Variants in ADAM7 observed in about 807,000 individuals in gnomAD.
ADAM7 encodes disintegrin and metalloproteinase domain-containing protein 7.
In ADAM7, 97 loss-of-function variants were observed where a neutral mutation model predicts 102.9. The observed-to-expected ratio is 0.94, with a 90% CI of 0.80 to 1.12. ADAM7 has a LOEUF of 1.12. ADAM7 is among the 50% of genes most tolerant of loss of function. The pLI, the probability that ADAM7 is intolerant of heterozygous loss-of-function variation, is 0.00. For missense variants in ADAM7, 991 were observed against 908.7 expected (o/e 1.09, Z -1.16); for synonymous variants, 334 against 304.4 (o/e 1.10, Z -1.01).
intron 1 of ADAM7, 109 bp from the exon 2 acceptor site, chr8:24,442,364 T>C: frequency 2.6e-6 from 2 of 783,810 alleles, no homozygotes; most frequent in Non-Finnish European, 2.3e-6. Flanking sequence ...TTGCTGTCCA[T>C]GGCTGCTAAC....
chr8:24,449,687 C>T (rs981588658), intron 3 of ADAM7, among the ~76,000 whole-genome samples: 42 of 152,062 alleles, frequency 2.8e-4, no homozygotes, highest in Non-Finnish European at 4.6e-4. Context: ...GCTTTTGTTG[C>T]CATTGCTTTT....
At chr8:24,490,747 A>G in intron 12 of ADAM7, 52 bp from the exon 13 acceptor site, 1 of 1,539,334 alleles carries the variant, frequency 6.5e-7, no homozygotes, top group Non-Finnish European at 8.9e-7. Flanking sequence ...TTCTTCAAAC[A>G]GGAGTCAGAG....
Position 24,508,913 on chromosome 8 carries a change from G to C in ADAM7, c.*367G>C. The C allele has an allele frequency of 1.9e-6, 2 of 1,075,394 alleles. No individual in the cohort carries two copies. Among genetic ancestry groups the C allele is most frequent in the Non-Finnish European group, 2.2e-6 (2 of 889,526 alleles). The allele number at this position is 1,075,394 out of a possible 1,614,324, so 66.6% of individuals were successfully genotyped here. ...ACTTACAGTCTAAGAAGAAAACATT[G>C]CATATAAAAAGTTACTTTTTTGGAA... On this transcript the variant is annotated 3_prime_UTR_variant, in exon 22 of 22. Transcript: ENST00000175238.
chr8:24,500,377 A>C (rs1820716749), intron 18 of ADAM7, 121 bp downstream of exon 18: 2 of 877,488 alleles, frequency 2.3e-6, no homozygotes, highest in Admixed American at 5.2e-5. Flanking sequence ...TATGGTCTTC[A>C]TATTATTGTG....
intron 20 of ADAM7, among the ~76,000 whole-genome samples, chr8:24,503,100 G>T (rs9657286): frequency 0.28 from 43,066 of 151,960 alleles, 6,689 homozygotes; most frequent in South Asian, 0.39. Flanking sequence ...AAGCAATGAG[G>T]CTAACTTACT....
intron 16 of ADAM7, among the ~76,000 whole-genome samples, chr8:24,494,058 C>T (rs1490509612): frequency 6.6e-6 from 1 of 152,120 alleles, no homozygotes; most frequent in African/African-American, 2.4e-5. Flanking sequence ...TATTTTACCC[C>T]TAAAATCAGC....
intron 11 of ADAM7, 57 bp from the exon 12 acceptor site, chr8:24,489,102 C>G (rs557692287): frequency 4.1e-5 from 60 of 1,475,864 alleles, no homozygotes; most frequent in African/African-American, 3.5e-4. Flanking sequence ...CTCACAGCCA[C>G]TGTACCACTA....
chr8:24,465,334 G>C (rs1819390346), intron 4 of ADAM7, among the ~76,000 whole-genome samples: 1 of 152,162 alleles, frequency 6.6e-6, no homozygotes, highest in African/African-American at 2.4e-5. Flanking sequence ...CAACTTGATT[G>C]AAACAGAGAG....
At chr8:24,465,809 G>C in intron 5 of ADAM7, 34 bp downstream of exon 5, 4 of 1,487,830 alleles carry the variant, frequency 2.7e-6, no homozygotes, top group Non-Finnish European at 9.1e-7. Context: ...TCCTTTATGA[G>C]TTTTCCTATG....
chr8:24,506,237 G>C (rs959888187), intron 20 of ADAM7: 1 of 1,200,672 alleles, frequency 8.3e-7, no homozygotes, highest in Non-Finnish European at 1.2e-6. Flanking sequence ...TCATTTGTTG[G>C]TTCCTTGAAA....
At chr8:24,496,195 A>T (rs1368421886) in intron 16 of ADAM7, among the ~76,000 whole-genome samples, 1 of 152,214 alleles carries the variant, frequency 6.6e-6, no homozygotes, top group Non-Finnish European at 1.5e-5. Flanking sequence ...GGCAGCCTTC[A>T]TGTGGTGCTG....
intron 3 of ADAM7, among the ~76,000 whole-genome samples, chr8:24,451,250 G>A (rs1818777081): frequency 6.6e-6 from 1 of 151,908 alleles, no homozygotes; most frequent in African/African-American, 2.4e-5. Flanking sequence ...TGTACCTCTG[G>A]TAGAATTCGG....
At chr8:24,488,402 G>A (rs550348483) in intron 11 of ADAM7, among the ~76,000 whole-genome samples, 5 of 152,258 alleles carry the variant, frequency 3.3e-5, no homozygotes, top group South Asian at 2.1e-4. Flanking sequence ...GAAAAGTTTC[G>A]TGGTGATCAA....
At chr8:24,490,725 A>G in intron 12 of ADAM7, 74 bp from the exon 13 acceptor site, 1 of 1,426,480 alleles carries the variant, frequency 7.0e-7, no homozygotes, top group Non-Finnish European at 9.8e-7. Flanking sequence ...CCACAGAAGC[A>G]CAACTAATTA....
intron 5 of ADAM7, among the ~76,000 whole-genome samples, chr8:24,466,125 C>T (rs571596915): frequency 3.9e-5 from 6 of 151,968 alleles, no homozygotes; most frequent in African/African-American, 1.5e-4. Context: ...TAAAATTGAG[C>T]CTGAAACCCA....
intron 12 of ADAM7, chr8:24,490,270 G>A (rs1019553854): frequency 6.5e-6 from 1 of 152,714 alleles, no homozygotes; most frequent in Non-Finnish European, 1.5e-5. Context: ...CTTTGGAATG[G>A]TTCCATAGAT....
At chr8:24,469,525 G>A (rs1032111388) in intron 7 of ADAM7, among the ~76,000 whole-genome samples, 2 of 152,044 alleles carry the variant, frequency 1.3e-5, no homozygotes, top group African/African-American at 4.8e-5. Context: ...TTAGAGAACC[G>A]CTAAACTGCT....
chr8:24,506,192 AT>A, intron 20 of ADAM7: 3 of 1,443,872 alleles, frequency 2.1e-6, no homozygotes, highest in Non-Finnish European at 2.8e-6. Flanking sequence ...GTGGTGGGCT[AT>A]GTCCTTTCCA....
rs145221919 is a variant in ADAM7, at chr8:24,462,161, C to T, written c.234-1721C>T. 3.5e-3 allele frequency among the ~76,000 whole-genome samples: 535 copies of T among 152,296 alleles called. 2 individuals are homozygous for T. The highest frequency in any genetic ancestry group is 0.012 in the African/African-American group (518 of 41,566). On this transcript the variant is annotated intron_variant, in intron 3 of 21. Transcript: ENST00000175238. Reference sequence around the variant, plus strand: ...GGAGATTAACTTTGTTGGACTTAAACGGCAAATTCTGTCTTTTGGGTGGCA... The same window carrying T: ...GGAGATTAACTTTGTTGGACTTAAATGGCAAATTCTGTCTTTTGGGTGGCA...
Sources: allele counts gnomAD v4.1 joint callset (sites outside exome capture counted in the v4.1 genomes callset), GRCh38; gene constraint gnomAD v4.1.1; transcripts MANE v1.5; gene names NCBI Gene and HGNC (gene_info 2026-07-23, HGNC 2026-07-21).